The following IFNAR1 variants were observed in gnomAD, a reference collection of about 807,000 sequenced individuals.
IFNAR1 encodes interferon alpha/beta receptor 1.
A neutral mutation model predicts 62.1 loss-of-function variants in IFNAR1; 47 were observed. That is an observed-to-expected ratio of 0.76 (90% CI 0.60 to 0.97). The LOEUF (loss-of-function observed/expected upper bound fraction) is 0.97. Ranked by LOEUF, IFNAR1 falls within the 50% of genes least tolerant of loss-of-function variation. The pLI is 0.00. For synonymous variants in IFNAR1, 219 were observed against 226.9 expected (o/e 0.97, Z 0.31); for missense variants, 638 against 654.5 (o/e 0.97, Z 0.27).
chr21:33,334,459 A>G (rs911543692), intron 1 of IFNAR1: 2 of 308,392 alleles, frequency 6.5e-6, no homozygotes, highest in Non-Finnish European at 1.3e-5. Flanking sequence ...CAAAAAACTC[A>G]AAACCCTGTA....
rs867175148 is a variant in IFNAR1, at chr21:33,359,604, A to G, written c.*4055A>G. The G allele has an allele frequency of 6.6e-6, 1 of 152,192 alleles. No individual in the cohort carries two copies. The highest frequency in any genetic ancestry group is 2.4e-5 in the African/African-American group (1 of 41,440). 9.4% of individuals were successfully genotyped at this position (152,192 alleles called of 1,614,324 possible). A position where few individuals can be genotyped will look rare whatever the true frequency, so the allele number is the denominator to read the frequency against. Reference sequence around the variant, plus strand: ...TCTTGAACTAAACTGTTTGCCCTTCACAAGTAGTTCTTCTTTCAGGATTAG... The same window carrying G: ...TCTTGAACTAAACTGTTTGCCCTTCGCAAGTAGTTCTTCTTTCAGGATTAG... On this transcript the variant is annotated 3_prime_UTR_variant, in exon 11 of 11. Coordinates refer to ENST00000270139, the MANE Select transcript of IFNAR1 (RefSeq NM_000629.3).
chr21:33,346,077 T>G (rs1409170973), intron 6 of IFNAR1, among the ~76,000 whole-genome samples: 1 of 152,194 alleles, frequency 6.6e-6, no homozygotes, highest in Non-Finnish European at 1.5e-5. Flanking sequence ...CTGGGCAACA[T>G]AGTGAGACCC....
intron 2 of IFNAR1, among the ~76,000 whole-genome samples, chr21:33,338,699 T>C (rs1045787070): frequency 6.6e-6 from 1 of 152,022 alleles, no homozygotes; most frequent in Admixed American, 6.5e-5. Flanking sequence ...ATATTTCATA[T>C]TCTGTTCTGA....
At position 33,341,020 on chromosome 21, in the gene IFNAR1, A is replaced by C. The variant is rs556343514; in HGVS notation, c.222A>C (p.Ile74=). The change falls in exon 3 of 11, where the codon ATA becomes ATC. Residue 74 remains isoleucine, a synonymous_variant. Coordinates refer to ENST00000270139, the MANE Select transcript of IFNAR1 (RefSeq NM_000629.3). ...AAAGAACTGGGATGGATAATTGGAT[A>C]AAATTGTCTGGGTGTCAGAATATTA... ...DYQKTGMDNW[I]KLSGCQNITS... The C allele has an allele frequency of 3.7e-6, 6 of 1,610,150 alleles. No individual in the cohort carries two copies. The Admixed American group carries it at 6.7e-5, about 18-fold the overall frequency.
chr21:33,349,450 C>T lies in IFNAR1; in HGVS notation c.1050C>T (p.Ile350=), dbSNP rs151316665. Residue 350 remains isoleucine (I), a synonymous_variant, in exon 8 of 11, where the codon ATC becomes ATT. Transcript: ENST00000270139. ...RSLSDSFHIY[I]GAPKQSGNTP... ...TTAGTGATTCATTCCATATCTATAT[C>T]GGTGCTCCAAAACAGTCTGGAAACA... The T allele has an allele frequency of 4.0e-5, 65 of 1,610,182 alleles. 1 individual carries two copies. Among genetic ancestry groups the T allele is most frequent in the African/African-American group, 1.6e-4 (12 of 74,912 alleles).
intron 6 of IFNAR1, among the ~76,000 whole-genome samples, chr21:33,346,187 A>G (rs183331962): frequency 5.1e-4 from 78 of 152,366 alleles, no homozygotes; most frequent in African/African-American, 1.8e-3. Flanking sequence ...AGAAAAGAGA[A>G]GAGGAAAATT....
At chr21:33,337,537 A>G (rs948039159) in intron 2 of IFNAR1, among the ~76,000 whole-genome samples, 4 of 152,108 alleles carry the variant, frequency 2.6e-5, no homozygotes, top group Non-Finnish European at 5.9e-5. Flanking sequence ...CTGTGACACT[A>G]TTCTCGAGTT....
At chr21:33,338,426 T>C (rs6517164) in intron 2 of IFNAR1, among the ~76,000 whole-genome samples, 117,757 of 151,014 alleles carry the variant, frequency 0.78, 46,554 homozygotes, top group African/African-American at 0.91. Flanking sequence ...CCCACCTACT[T>C]GGGAGGCTGA....
rs1407621606 is a variant in IFNAR1 at position 33,357,114 on chromosome 21, A to G, written c.*1565A>G. The G allele has an allele frequency of 1.4e-4, 22 of 152,246 alleles. No individual in the cohort carries two copies. The allele number at this position is 152,246 out of a possible 1,614,324, so 9.4% of individuals were successfully genotyped here. A position where few individuals can be genotyped will look rare whatever the true frequency, so the allele number is the denominator to read the frequency against. On this transcript the variant is annotated 3_prime_UTR_variant, in exon 11 of 11. Coordinates refer to ENST00000270139, the MANE Select transcript of IFNAR1 (RefSeq NM_000629.3). ...CTGGGGATTACCCATGGATATCCTT[A>G]ATAGGCAGGAAGTCTGGGAATTCTG...
At chr21:33,351,052 C>T (rs530727439) in intron 8 of IFNAR1, among the ~76,000 whole-genome samples, 1 of 152,208 alleles carries the variant, frequency 6.6e-6, no homozygotes, top group South Asian at 2.1e-4. Flanking sequence ...ATTGTAGTTG[C>T]CATCTTAACC....
rs2083482346 is a variant in IFNAR1 at position 33,359,656 on chromosome 21, C to T, written c.*4107C>T. On this transcript the variant is annotated 3_prime_UTR_variant, in exon 11 of 11. Coordinates refer to ENST00000270139, the MANE Select transcript of IFNAR1 (RefSeq NM_000629.3). ...TCGTTCCAAGGAGGCTCTTCAGTCT[C>T]ACAGATAAGTAGATCTCTCCTGCTG... is the stretch of plus-strand genomic sequence containing the variant. 1 of 152,188 alleles carries T rather than the reference C, an allele frequency of 6.6e-6. No homozygotes were observed. Among genetic ancestry groups the T allele is most frequent in the African/African-American group, 2.4e-5 (1 of 41,448 alleles). 9.4% of individuals were successfully genotyped at this position (152,188 alleles called of 1,614,324 possible).
intron 6 of IFNAR1, among the ~76,000 whole-genome samples, chr21:33,348,155 A>G (rs2083366775): frequency 6.6e-6 from 1 of 152,234 alleles, no homozygotes; most frequent in African/African-American, 2.4e-5. Flanking sequence ...TCTCGTACTT[A>G]TACTTGCTCT....
chr21:33,326,494 C>T (rs1406592797), intron 1 of IFNAR1, among the ~76,000 whole-genome samples: 3 of 152,122 alleles, frequency 2.0e-5, no homozygotes, highest in African/African-American at 7.2e-5. Context: ...AGCCACCACG[C>T]CCGATCTATT....
At chr21:33,331,897 A>G (rs914487837) in intron 1 of IFNAR1, among the ~76,000 whole-genome samples, 1 of 152,236 alleles carries the variant, frequency 6.6e-6, no homozygotes, top group African/African-American at 2.4e-5. Context: ...GCTACAACCC[A>G]TTCTCTGGGC....
intron 8 of IFNAR1, among the ~76,000 whole-genome samples, chr21:33,351,144 T>C (rs976671350): frequency 6.6e-6 from 1 of 152,214 alleles, no homozygotes; most frequent in East Asian, 1.9e-4. Context: ...CTAAGTATTG[T>C]ACATGAATTG....
chr21:33,351,081 A>C (rs2083392751), intron 8 of IFNAR1, among the ~76,000 whole-genome samples: 1 of 152,238 alleles, frequency 6.6e-6, no homozygotes, highest in Non-Finnish European at 1.5e-5. Flanking sequence ...ATAATATATC[A>C]ATAATTGTTA....
At chr21:33,328,201 T>G (rs1271007689) in intron 1 of IFNAR1, among the ~76,000 whole-genome samples, 1 of 152,184 alleles carries the variant, frequency 6.6e-6, no homozygotes, top group Non-Finnish European at 1.5e-5. Context: ...GTTCTTCCAG[T>G]GTGGCCCACG....
At chr21:33,353,562 C>G (rs1417217455) in intron 9 of IFNAR1, 76 bp from the exon 10 acceptor site, 3 of 771,722 alleles carry the variant, frequency 3.9e-6, no homozygotes, top group African/African-American at 3.7e-5. Flanking sequence ...TATGGCTAGT[C>G]TTTCACACAG....
In IFNAR1 at chr21:33,355,398, T is replaced by C; in HGVS notation, c.1523T>C (p.Ile508Thr). ...QIEKCFIIEN[I>T]STIATVEETN... ...GAAAAATGTTTCATAATTGAAAATATAAGCACAATTGCTACAGTAGAAGAA... is the reference window on the plus strand; with the variant it reads ...GAAAAATGTTTCATAATTGAAAATACAAGCACAATTGCTACAGTAGAAGAA... Residue 508 changes from isoleucine to threonine, a missense_variant, in exon 11 of 11, where the codon ATA becomes ACA. Physicochemically the swap from Ile to Thr is moderately conservative, Grantham distance 89 (BLOSUM62 -1). Transcript: ENST00000270139. The C allele has an allele frequency of 1.2e-5, 19 of 1,602,826 alleles. No individual in the cohort carries two copies. Among genetic ancestry groups the C allele is most frequent in the Non-Finnish European group, 1.5e-5 (18 of 1,173,330 alleles).
Sources: gnomAD v4.1 joint callset for allele counts (sites outside exome capture counted in the v4.1 genomes callset) on GRCh38, gnomAD v4.1.1 for gene constraint, MANE v1.5 for transcripts, NCBI Gene and HGNC (gene_info 2026-07-23, HGNC 2026-07-21) for gene names.